Variants in PRKN observed in about 807,000 individuals in gnomAD.
The protein encoded by PRKN is E3 ubiquitin-protein ligase parkin.
PRKN carries 56 observed loss-of-function variants against 59.5 expected under a neutral mutation model. That is an observed-to-expected ratio of 0.94 (90% CI 0.76 to 1.18). The LOEUF (loss-of-function observed/expected upper bound fraction) is 1.18. Among genes scored for constraint, PRKN ranks in the 50% most tolerant of loss-of-function variants. PRKN has a pLI of 0.00. For missense variants in PRKN, 657 were observed against 596.4 expected (o/e 1.10, Z -1.06); for synonymous variants, 250 against 222.1 (o/e 1.13, Z -1.12).
Position 161,505,263 on chromosome 6 carries a change from C to G in PRKN, c.1083+43591G>C, listed in dbSNP as rs1335267811. Among the ~76,000 whole-genome samples, 3 of 152,082 alleles carry G rather than the reference C, an allele frequency of 2.0e-5. No individual in the cohort carries two copies. In the East Asian group the frequency reaches 5.8e-4, roughly 29 times the overall value. ...CTCATTGTGGTTTTGATTTGCATTT[C>G]TCTGATGGCCAGTGATGGTGAGCAT... On this transcript the variant is annotated intron_variant, in intron 9 of 11. Coordinates refer to ENST00000366898, the MANE Select transcript of PRKN (RefSeq NM_004562.3).
At chr6:162,392,638 C>A (rs1399167945) in intron 2 of PRKN, among the ~76,000 whole-genome samples, 1 of 152,110 alleles carries the variant, frequency 6.6e-6, no homozygotes, top group Non-Finnish European at 1.5e-5. Flanking sequence ...AGATTGAGGC[C>A]AACATTTGCA....
rs557686412 is a variant in PRKN at position 162,507,750 on chromosome 6, G to A, written c.8-64277C>T. ...ATCTATGTCTGTCTCCCCTGTTGGAGTGTGAGCTTCAACAAGACGAAGATC... is the reference window on the plus strand; with the variant it reads ...ATCTATGTCTGTCTCCCCTGTTGGAATGTGAGCTTCAACAAGACGAAGATC... On this transcript the variant is annotated intron_variant, in intron 1 of 11. Transcript: ENST00000366898. Among the ~76,000 whole-genome samples the A allele has an allele frequency of 1.4e-4, 22 of 152,290 alleles. No homozygotes were observed. The South Asian group carries it at 4.4e-3, about 30-fold the overall frequency.
In PRKN at chr6:161,561,491, G is replaced by C. The variant is rs978684793; in HGVS notation, c.933+7864C>G. Among the ~76,000 whole-genome samples the C allele has an allele frequency of 2.0e-5, 3 of 152,166 alleles. No homozygotes were observed. Among genetic ancestry groups the C allele is most frequent in the South Asian group, 2.1e-4 (1 of 4,824 alleles). ...ACTCTTCTATGTGGAAGACGCAGCAGTGAAAAATGACATCTTCCTTCGTGG... is the reference window on the plus strand; with the variant it reads ...ACTCTTCTATGTGGAAGACGCAGCACTGAAAAATGACATCTTCCTTCGTGG... On this transcript the variant is annotated intron_variant, in intron 8 of 11. Coordinates refer to ENST00000366898, the MANE Select transcript of PRKN (RefSeq NM_004562.3). The surrounding 1 kb of genome is among the most constrained non-coding windows in gnomAD (Gnocchi z 5.0).
chr6:162,337,079 T>C (rs1366886678), intron 2 of PRKN, among the ~76,000 whole-genome samples: 1 of 152,230 alleles, frequency 6.6e-6, no homozygotes, highest in African/African-American at 2.4e-5. Flanking sequence ...TTATGTATCT[T>C]GTGACTACAA....
chr6:162,553,864 G>A (rs73025321), intron 1 of PRKN, among the ~76,000 whole-genome samples: 1,961 of 111,770 alleles, frequency 0.018, 338 homozygotes, highest in Middle Eastern at 0.06. Flanking sequence ...AAAGTGAGTG[G>A]GGAAAAGGCA....
intron 6 of PRKN, among the ~76,000 whole-genome samples, chr6:161,832,949 T>C (rs951031689): frequency 1.3e-5 from 2 of 151,902 alleles, no homozygotes; most frequent in Admixed American, 1.3e-4. Flanking sequence ...TGATAGTGAG[T>C]GTCCCCCCAT....
intron 7 of PRKN, among the ~76,000 whole-genome samples, chr6:161,689,382 A>T (rs1029123782): frequency 3.3e-5 from 5 of 152,320 alleles, no homozygotes; most frequent in African/African-American, 4.8e-5. Flanking sequence ...CTTAACACAC[A>T]CAATTTTGCC....
At chr6:162,037,006 G>T (rs1217615477) in intron 5 of PRKN, among the ~76,000 whole-genome samples, 1 of 152,114 alleles carries the variant, frequency 6.6e-6, no homozygotes, top group African/African-American at 2.4e-5. Flanking sequence ...AAGAATAAAA[G>T]CACCCAGTGT....
At chr6:162,138,584 T>C (rs1043631436) in intron 4 of PRKN, among the ~76,000 whole-genome samples, 7 of 151,800 alleles carry the variant, frequency 4.6e-5, no homozygotes, top group Middle Eastern at 3.4e-3. Context: ...GATCCAGAAA[T>C]GACAGAGATA....
intron 6 of PRKN, among the ~76,000 whole-genome samples, chr6:161,908,586 C>T (rs1231060249): frequency 4.9e-5 from 6 of 122,052 alleles, no homozygotes; most frequent in Admixed American, 4.7e-4. Flanking sequence ...GAAGTGATTA[C>T]AAGAAAAAAA....
chr6:161,761,883 G>A lies in PRKN; in HGVS notation c.871+23889C>T, dbSNP rs756001028. The stretch of plus-strand genomic sequence containing the variant: ...TAAGTGGATTTATCAAGAACAATTT[G>A]TATCTGGTAATTAGGTAGTGATTCC... On this transcript the variant is annotated intron_variant, in intron 7 of 11. Coordinates refer to ENST00000366898, the MANE Select transcript of PRKN (RefSeq NM_004562.3). 4.9e-4 allele frequency among the ~76,000 whole-genome samples: 75 copies of A among 152,222 alleles called. 1 individual carries two copies. The highest frequency in any genetic ancestry group is 1.8e-3 in the Admixed American group (28 of 15,284).
In PRKN at chr6:162,427,644, G is replaced by GTTTTTTTTTTTTTTTTTTTTTTT. The variant is rs1219394770; in HGVS notation, c.171+15665_171+15666insAAAAAAAAAAAAAAAAAAAAAAA. On this transcript the variant is annotated intron_variant, in intron 2 of 11. Coordinates refer to ENST00000366898, the MANE Select transcript of PRKN (RefSeq NM_004562.3). ...ATTACTTATAGGCTGGTAAATAAATGTTTTTTTTTCTTTTTTTTTTTGATG... is the reference window on the plus strand; with the variant it reads ...ATTACTTATAGGCTGGTAAATAAATGTTTTTTTTTTTTTTTTTTTTTTTTTTTTTTTTCTTTTTTTTTTTGATG... 2.1e-5 allele frequency among the ~76,000 whole-genome samples: 3 copies of GTTTTTTTTTTTTTTTTTTTTTTT among 144,208 alleles called. 1 individual carries two copies. The highest frequency in any genetic ancestry group is 2.6e-5 in the African/African-American group (1 of 38,908). The allele number at this position is 144,208 out of a possible 152,430, so 94.6% of individuals were successfully genotyped here. A position where few individuals can be genotyped will look rare whatever the true frequency, so the allele number is the denominator to read the frequency against.
At chr6:162,623,579 A>G (rs1181803739) in intron 1 of PRKN, among the ~76,000 whole-genome samples, 1 of 152,224 alleles carries the variant, frequency 6.6e-6, no homozygotes, top group East Asian at 1.9e-4. Context: ...CCAAAGCTAG[A>G]GACTGGCCGA....
intron 1 of PRKN, among the ~76,000 whole-genome samples, chr6:162,611,918 G>A (rs182684790): frequency 3.9e-5 from 6 of 152,176 alleles, no homozygotes; most frequent in East Asian, 1.9e-4. Flanking sequence ...GGGCGTGGTG[G>A]CTCACGCCTG....
At chr6:161,633,438 G>A (rs1465844747) in intron 7 of PRKN, among the ~76,000 whole-genome samples, 1 of 152,192 alleles carries the variant, frequency 6.6e-6, no homozygotes, top group African/African-American at 2.4e-5. Flanking sequence ...AAAGTCAGGA[G>A]CATTCAGTTA....
intron 1 of PRKN, among the ~76,000 whole-genome samples, chr6:162,572,148 T>C (rs1254633978): frequency 2.0e-5 from 3 of 152,214 alleles, no homozygotes; most frequent in African/African-American, 7.2e-5. Context: ...CTGTCCCAAA[T>C]GTGTCTTTGA....
chr6:161,505,611 C>T (rs1778136638), intron 9 of PRKN, among the ~76,000 whole-genome samples: 1 of 151,866 alleles, frequency 6.6e-6, no homozygotes, highest in Non-Finnish European at 1.5e-5. Context: ...GTGCCTATGT[C>T]CTGAATGGTA....
chr6:161,465,387 C>A (rs906037645), intron 9 of PRKN, among the ~76,000 whole-genome samples: 1 of 151,978 alleles, frequency 6.6e-6, no homozygotes, highest in Non-Finnish European at 1.5e-5. Flanking sequence ...AACCTGCAGA[C>A]GTGATTTTAG....
At position 162,049,304 on chromosome 6, in the gene PRKN, T is replaced by C. The variant is rs188441150; in HGVS notation, c.618+4787A>G. On this transcript the variant is annotated intron_variant, in intron 5 of 11. Transcript: ENST00000366898. ...CTTAAAATATATAAAATAAATTATA[T>C]ATAGGGTCCAAAATACTGTCAAAAC... Among the ~76,000 whole-genome samples, 103 of 152,036 alleles carry C rather than the reference T, an allele frequency of 6.8e-4. 1 individual carries two copies. The East Asian group carries it at 0.018, about 27-fold the overall frequency.
Sources: gnomAD v4.1 joint callset for allele counts (sites outside exome capture counted in the v4.1 genomes callset) on GRCh38, gnomAD v4.1.1 for gene constraint, Gnocchi (gnomAD v3.1) non-coding constraint, MANE v1.5 for transcripts, NCBI Gene and HGNC (gene_info 2026-07-23, HGNC 2026-07-21) for gene names.